Variants in ARHGAP26 observed in about 807,000 individuals in gnomAD.
ARHGAP26 encodes the protein rho GTPase-activating protein 26.
A neutral mutation model predicts 104.8 loss-of-function variants in ARHGAP26; 38 were observed. The observed-to-expected ratio is 0.36, with a 90% CI of 0.28 to 0.48. The LOEUF (loss-of-function observed/expected upper bound fraction) is 0.48, where lower values mean the gene tolerates loss of function less well. Among genes scored for constraint, ARHGAP26 ranks in the 20% least tolerant of loss-of-function variants. The pLI, the probability that ARHGAP26 is intolerant of heterozygous loss-of-function variation, is 0.99. For missense variants in ARHGAP26, 704 were observed against 947.9 expected (o/e 0.74, Z 3.38); for synonymous variants, 341 against 340.0 (o/e 1.00, Z -0.03).
chr5:143,224,605 T>C lies in ARHGAP26; in HGVS notation c.*2159T>C. On this transcript the variant is annotated 3_prime_UTR_variant, in exon 23 of 23. Coordinates refer to ENST00000645722, the MANE Select transcript of ARHGAP26 (RefSeq NM_001135608.3). Reference sequence around the variant, plus strand: ...AGTCAGTTGCTGTGCTCTTTACTTCTTTTTCTCCACATCTTCTGAGGCTTT... The same window carrying C: ...AGTCAGTTGCTGTGCTCTTTACTTCCTTTTCTCCACATCTTCTGAGGCTTT... The C allele has an allele frequency of 4.3e-6, 1 of 230,432 alleles. No individual in the cohort carries two copies. Among genetic ancestry groups the C allele is most frequent in the Non-Finnish European group, 8.6e-6 (1 of 116,230 alleles). 14.3% of individuals were successfully genotyped at this position (230,432 alleles called of 1,614,324 possible). A position where few individuals can be genotyped will look rare whatever the true frequency, so the allele number is the denominator to read the frequency against.
At chr5:142,926,905 C>G (rs1204506204) in intron 10 of ARHGAP26, among the ~76,000 whole-genome samples, 1 of 152,172 alleles carries the variant, frequency 6.6e-6, no homozygotes. Context: ...CATCGTGTGC[C>G]TGACACTTTG....
intron 6 of ARHGAP26, among the ~76,000 whole-genome samples, chr5:142,901,489 T>TGATA (rs1760323203): frequency 6.6e-6 from 1 of 152,234 alleles, no homozygotes; most frequent in Non-Finnish European, 1.5e-5. Flanking sequence ...TCTGCCTTCC[T>TGATA]CTTCTGTGTA....
Position 142,915,088 on chromosome 5 carries a change from C to G in ARHGAP26, c.1028+1795C>G, listed in dbSNP as rs555837855. On this transcript the variant is annotated intron_variant, in intron 10 of 22. Coordinates refer to ENST00000645722, the MANE Select transcript of ARHGAP26 (RefSeq NM_001135608.3). The stretch of plus-strand genomic sequence containing the variant: ...TCTTCAGAAGTTTCCCGAGAAGTTG[C>G]GGAGAGTGGCTTTTTAGGCGATTAA... Among the ~76,000 whole-genome samples the G allele has an allele frequency of 3.3e-5, 5 of 152,238 alleles. No homozygotes were observed. In the East Asian group the frequency reaches 9.6e-4, roughly 29 times the overall value.
At chr5:142,953,556 A>C (rs1768724984) in intron 11 of ARHGAP26, among the ~76,000 whole-genome samples, 1 of 152,038 alleles carries the variant, frequency 6.6e-6, no homozygotes, top group African/African-American at 2.4e-5. Context: ...TTGTTTCACC[A>C]CCTTCTTCCT....
intron 12 of ARHGAP26, among the ~76,000 whole-genome samples, chr5:143,021,791 A>C (rs1260226637): frequency 6.6e-6 from 1 of 152,186 alleles, no homozygotes; most frequent in African/African-American, 2.4e-5. Flanking sequence ...AGTTACTCCC[A>C]CAACAAAAGG....
intron 5 of ARHGAP26, among the ~76,000 whole-genome samples, chr5:142,885,643 C>G (rs1757595662): frequency 6.6e-6 from 1 of 152,144 alleles, no homozygotes; most frequent in African/African-American, 2.4e-5. Flanking sequence ...GAGATGACCA[C>G]CTCCTTGTTG....
chr5:142,783,030 A>G (rs771454818), intron 1 of ARHGAP26, among the ~76,000 whole-genome samples: 3 of 152,194 alleles, frequency 2.0e-5, no homozygotes, highest in South Asian at 2.1e-4. Flanking sequence ...TCTCACCCCA[A>G]GTGATTTGCA....
intron 17 of ARHGAP26, among the ~76,000 whole-genome samples, chr5:143,097,799 G>C (rs1792612245): frequency 7.3e-6 from 1 of 137,606 alleles, no homozygotes; most frequent in South Asian, 2.4e-4. Context: ...GCCAGCCTGG[G>C]TGACAGAACG....
intron 6 of ARHGAP26, among the ~76,000 whole-genome samples, chr5:142,897,118 G>A (rs1759579316): frequency 6.6e-6 from 1 of 152,176 alleles, no homozygotes; most frequent in Admixed American, 6.5e-5. Flanking sequence ...TAAGCAAGAT[G>A]TGTGTAGTAG....
intron 17 of ARHGAP26, among the ~76,000 whole-genome samples, chr5:143,069,098 A>T (rs888394530): frequency 1.3e-5 from 2 of 152,016 alleles, no homozygotes; most frequent in African/African-American, 2.4e-5. Context: ...CCCTCCTGCC[A>T]TCCTCTCTCC....
chr5:142,910,195 C>T (rs1333738167), intron 9 of ARHGAP26, among the ~76,000 whole-genome samples: 2 of 152,052 alleles, frequency 1.3e-5, no homozygotes, highest in African/African-American at 4.8e-5. Context: ...AGTTTTCCTC[C>T]TTTTACAAAG....
At position 143,106,075 on chromosome 5, in the gene ARHGAP26, T is replaced by C. The variant is rs1225839426; in HGVS notation, c.1539-14913T>C. ...AAAGGGTCTTTTTAAAGGGTGACTT[T>C]TTCTTTTGTTGTTTGTCTTGTTTCC... On this transcript the variant is annotated intron_variant, in intron 17 of 22. Transcript: ENST00000645722. Among the ~76,000 whole-genome samples, 3 of 152,188 alleles carry C rather than the reference T, an allele frequency of 2.0e-5. No individual in the cohort carries two copies. The East Asian group carries it at 5.8e-4, about 29-fold the overall frequency.
chr5:142,823,608 A>G (rs932227737), intron 1 of ARHGAP26, among the ~76,000 whole-genome samples: 16 of 152,152 alleles, frequency 1.1e-4, no homozygotes, highest in African/African-American at 3.9e-4. Context: ...AGCAAGTACT[A>G]TAAGAAAAAA....
chr5:143,006,356 T>C (rs1021479616), intron 11 of ARHGAP26, among the ~76,000 whole-genome samples: 1 of 151,368 alleles, frequency 6.6e-6, no homozygotes, highest in African/African-American at 2.4e-5. Flanking sequence ...GTTTCTCTCT[T>C]ATGCTCTCTA....
intron 20 of ARHGAP26, chr5:143,203,523 A>C (rs181469395): frequency 7.6e-4 from 116 of 152,318 alleles, no homozygotes; most frequent in African/African-American, 2.7e-3. Context: ...GCGATTTTTC[A>C]AGGATCTAGA....
chr5:143,176,916 G>A (rs1287975807), intron 20 of ARHGAP26, among the ~76,000 whole-genome samples: 1 of 152,180 alleles, frequency 6.6e-6, no homozygotes, highest in African/African-American at 2.4e-5. Context: ...ATTGCAAGGA[G>A]CCATGTAAAG....
chr5:143,183,375 T>C (rs2151202516), intron 20 of ARHGAP26, among the ~76,000 whole-genome samples: 1 of 152,266 alleles, frequency 6.6e-6, no homozygotes, highest in East Asian at 1.9e-4. Flanking sequence ...ATTGAGGAGA[T>C]AATGAGAGCC....
intron 20 of ARHGAP26, among the ~76,000 whole-genome samples, chr5:143,185,079 A>G (rs954194620): frequency 6.6e-6 from 1 of 152,172 alleles, no homozygotes; most frequent in Admixed American, 6.5e-5. Flanking sequence ...TAGTTTTCAC[A>G]CAGCCATGAA....
In ARHGAP26 at chr5:142,843,862, A is replaced by C. The variant is rs187350015; in HGVS notation, c.155-29538A>C. On this transcript the variant is annotated intron_variant, in intron 1 of 22. Transcript: ENST00000645722. Reference sequence around the variant, plus strand: ...GATGAAGAGCCTGAGCTTTGGCTTCATGCATTCTTAGGGCTGAGTCCTGGC... The same window carrying C: ...GATGAAGAGCCTGAGCTTTGGCTTCCTGCATTCTTAGGGCTGAGTCCTGGC... 5.9e-5 allele frequency among the ~76,000 whole-genome samples: 9 copies of C among 152,250 alleles called. No individual in the cohort carries two copies. In the East Asian group the frequency reaches 1.7e-3, roughly 29 times the overall value.
Sources: gnomAD v4.1 joint callset for allele counts (sites outside exome capture counted in the v4.1 genomes callset) on GRCh38, gnomAD v4.1.1 for gene constraint, MANE v1.5 for transcripts, NCBI Gene and HGNC (gene_info 2026-07-23, HGNC 2026-07-21) for gene names.